HHAT: variants seen among roughly 807,000 people sequenced by gnomAD.
HHAT encodes hedgehog acyltransferase.
HHAT carries 47 observed loss-of-function variants against 70.8 expected under a neutral mutation model. The ratio of observed to expected loss-of-function variants is 0.66; its 90% CI spans 0.53 to 0.85. The LOEUF (loss-of-function observed/expected upper bound fraction) is 0.85. Among genes scored for constraint, HHAT ranks in the 40% least tolerant of loss-of-function variants. The probability of loss-of-function intolerance (pLI) is 0.00; values close to 1 mark genes in which losing one functional copy is unlikely to be tolerated. For synonymous variants in HHAT, 228 were observed against 247.6 expected (o/e 0.92, Z 0.74); for missense variants, 609 against 604.8 (o/e 1.01, Z -0.07).
chr1:210,352,702 ATC>A (rs1482322054), intron 2 of HHAT, among the ~76,000 whole-genome samples: 3 of 152,036 alleles, frequency 2.0e-5, no homozygotes. Flanking sequence ...GTCAAATGGA[ATC>A]TCTCAGCAAA....
intron 9 of HHAT, among the ~76,000 whole-genome samples, chr1:210,587,368 G>A (rs865973268): frequency 6.6e-6 from 1 of 152,180 alleles, no homozygotes; most frequent in Non-Finnish European, 1.5e-5. Flanking sequence ...CAGATCTCGT[G>A]TGAGACTTAT....
intron 6 of HHAT, among the ~76,000 whole-genome samples, chr1:210,408,719 T>A (rs1387668709): frequency 6.6e-6 from 1 of 152,198 alleles, no homozygotes; most frequent in African/African-American, 2.4e-5. Context: ...TTGCTGGGAC[T>A]GGCAAGAGCT....
intron 8 of HHAT, among the ~76,000 whole-genome samples, chr1:210,493,192 A>G (rs4622068): frequency 0.18 from 27,611 of 151,980 alleles, 3,156 homozygotes; most frequent in Admixed American, 0.29. Flanking sequence ...GTCTTATGGT[A>G]GTCAAGATTT....
intron 11 of HHAT, among the ~76,000 whole-genome samples, chr1:210,652,970 A>G (rs1481340220): frequency 6.6e-6 from 1 of 152,230 alleles, no homozygotes; most frequent in East Asian, 1.9e-4. Flanking sequence ...ACATCCAGAC[A>G]TAATTTCACA....
chr1:210,532,411 A>G (rs2095324439), intron 9 of HHAT, among the ~76,000 whole-genome samples: 1 of 152,200 alleles, frequency 6.6e-6, no homozygotes, highest in South Asian at 2.1e-4. Flanking sequence ...TCAGAGGCCC[A>G]AGATTCCAGT....
intron 6 of HHAT, among the ~76,000 whole-genome samples, chr1:210,405,452 A>G (rs1375836497): frequency 2.6e-5 from 4 of 152,178 alleles, no homozygotes; most frequent in Non-Finnish European, 5.9e-5. Flanking sequence ...GGGATATTCT[A>G]TCCCTCACCA....
intron 9 of HHAT, among the ~76,000 whole-genome samples, chr1:210,548,802 G>A (rs1009997306): frequency 1.3e-5 from 2 of 152,104 alleles, no homozygotes; most frequent in African/African-American, 2.4e-5. Context: ...CAGTAGTCAC[G>A]CTGGTTGTGA....
In HHAT at chr1:210,623,661, T is replaced by C. The variant is rs747570787; in HGVS notation, c.1381T>C (p.Phe461Leu). ...TGGGAAAACCTACTGGAATAGGATC[T>C]TCATACAAGGTAAGTTGCTTGACAG... The part of the protein sequence containing the change: ...EVGKTYWNRI[F>L]IQGWPWVTLS... The change falls in exon 11 of 12, where the codon TTC becomes CTC. Residue 461 changes from phenylalanine to leucine, a missense_variant. Coordinates refer to ENST00000261458, the MANE Select transcript of HHAT (RefSeq NM_018194.6). 2 of 1,613,812 alleles carry C rather than the reference T, an allele frequency of 1.2e-6. No homozygotes were observed. Among genetic ancestry groups the C allele is most frequent in the Non-Finnish European group, 1.7e-6 (2 of 1,179,900 alleles).
chr1:210,617,346 A>G lies in HHAT; in HGVS notation c.1246-6180A>G, dbSNP rs563694766. On this transcript the variant is annotated intron_variant, in intron 10 of 11. Coordinates refer to ENST00000261458, the MANE Select transcript of HHAT (RefSeq NM_018194.6). ...TTCAGTCTCTAAGCAGTGAAGAAATATCAAAGCATTTTGCAGAGTAGAGGC... is the reference window on the plus strand; with the variant it reads ...TTCAGTCTCTAAGCAGTGAAGAAATGTCAAAGCATTTTGCAGAGTAGAGGC... 5.9e-5 allele frequency among the ~76,000 whole-genome samples: 9 copies of G among 152,382 alleles called. No individual in the cohort carries two copies. In the South Asian group the frequency reaches 1.9e-3, roughly 32 times the overall value.
chr1:210,475,808 C>A (rs1225236621), intron 8 of HHAT, among the ~76,000 whole-genome samples: 1 of 152,108 alleles, frequency 6.6e-6, no homozygotes, highest in Non-Finnish European at 1.5e-5. Context: ...AATTTGTGAG[C>A]AGCCAGACAA....
intron 7 of HHAT, among the ~76,000 whole-genome samples, chr1:210,433,083 GAAGAT>G (rs1039039339): frequency 3.3e-5 from 5 of 151,756 alleles, no homozygotes; most frequent in African/African-American, 1.2e-4. Context: ...TTACATGGAA[GAAGAT>G]ATACAACAGA....
intron 11 of HHAT, among the ~76,000 whole-genome samples, chr1:210,659,775 A>G (rs1161945046): frequency 1.3e-5 from 2 of 152,246 alleles, no homozygotes; most frequent in African/African-American, 2.4e-5. Context: ...TATGCAAATC[A>G]ATAAATGTAA....
intron 8 of HHAT, among the ~76,000 whole-genome samples, chr1:210,467,529 T>C (rs1484795700): frequency 1.3e-5 from 2 of 152,230 alleles, no homozygotes; most frequent in Non-Finnish European, 1.5e-5. Flanking sequence ...TGTTGAAGTA[T>C]TGCTGCAGAC....
intron 7 of HHAT, among the ~76,000 whole-genome samples, chr1:210,448,408 T>C (rs527932562): frequency 3.9e-5 from 6 of 152,146 alleles, no homozygotes; most frequent in Non-Finnish European, 8.8e-5. Flanking sequence ...ATGTAATTGG[T>C]ATTTTGTGTG....
intron 9 of HHAT, among the ~76,000 whole-genome samples, chr1:210,534,099 G>A (rs1488474520): frequency 2.0e-5 from 3 of 152,100 alleles, no homozygotes; most frequent in African/African-American, 7.2e-5. Flanking sequence ...CCATGCACTG[G>A]GGTAATTGTA....
chr1:210,414,356 C>T (rs889420103), intron 6 of HHAT, among the ~76,000 whole-genome samples: 15 of 152,134 alleles, frequency 9.9e-5, no homozygotes, highest in African/African-American at 3.6e-4. Flanking sequence ...CACAAACATG[C>T]AGACCATAGC....
intron 10 of HHAT, among the ~76,000 whole-genome samples, chr1:210,602,911 G>A (rs1266713657): frequency 6.6e-6 from 1 of 152,066 alleles, no homozygotes; most frequent in Non-Finnish European, 1.5e-5. Flanking sequence ...TAACCTCTCT[G>A]GTCTAAGAGG....
chr1:210,456,881 A>G (rs2093880436), intron 7 of HHAT, among the ~76,000 whole-genome samples: 1 of 151,898 alleles, frequency 6.6e-6, no homozygotes, highest in South Asian at 2.1e-4. Context: ...TGTCCCTGGT[A>G]CCTCTCCCCC....
chr1:210,424,506 G>GTT (rs71146223), intron 7 of HHAT, among the ~76,000 whole-genome samples: 7 of 135,494 alleles, frequency 5.2e-5, no homozygotes, highest in Non-Finnish European at 1.1e-4. Context: ...TGTGCCATGG[G>GTT]TTTTTTTTTT....
Sources: gnomAD v4.1 joint callset for allele counts (sites outside exome capture counted in the v4.1 genomes callset) on GRCh38, gnomAD v4.1.1 for gene constraint, MANE v1.5 for transcripts, NCBI Gene and HGNC (gene_info 2026-07-23, HGNC 2026-07-21) for gene names.